The following COL4A1 variants were observed in gnomAD, a reference collection of about 807,000 sequenced individuals.
COL4A1 encodes collagen type IV alpha 1 chain, also known as collagen alpha-1(IV) chain.
Under a neutral mutation model 216.6 loss-of-function variants are expected in COL4A1, and 40 were observed. The observed-to-expected ratio is 0.18, with a 90% CI of 0.14 to 0.24. The LOEUF is 0.24. COL4A1 is among the 10% of genes least tolerant of loss of function. The pLI is 1.00. For synonymous variants in COL4A1, 839 were observed against 810.7 expected, an observed-to-expected ratio of 1.03 and a Z score of -0.59; for missense variants, 1,628 against 2,196.8, an observed-to-expected ratio of 0.74 and a Z score of 5.18.
intron 1 of COL4A1, among the ~76,000 whole-genome samples, chr13:110,246,210 T>A (rs1198577423): frequency 6.6e-6 from 1 of 152,124 alleles, no homozygotes; most frequent in African/African-American, 2.4e-5. Flanking sequence ...TCCTAAGATG[T>A]ATGTTTACTT....
At chr13:110,276,764 G>A (rs771778139) in intron 1 of COL4A1, among the ~76,000 whole-genome samples, 5 of 152,138 alleles carry the variant, frequency 3.3e-5, no homozygotes, top group Admixed American at 2.0e-4. Flanking sequence ...CGACTGCTAC[G>A]TAATCCATAC....
At chr13:110,160,381 T>C (rs1217889663) in intron 49 of COL4A1, among the ~76,000 whole-genome samples, 1 of 87,520 alleles carries the variant, frequency 1.1e-5, no homozygotes, top group Middle Eastern at 5.3e-3. Context: ...AAGCGGAGCT[T>C]GCAGTGAGCC....
chr13:110,226,148 G>A (rs1880727943), intron 2 of COL4A1, among the ~76,000 whole-genome samples: 1 of 152,170 alleles, frequency 6.6e-6, no homozygotes, highest in South Asian at 2.1e-4. Context: ...GACCCAGGAA[G>A]TATCTCATTC....
At position 110,183,204 on chromosome 13, in the gene COL4A1, G is replaced by A; in HGVS notation, c.1970C>T (p.Pro657Leu). The A allele has an allele frequency of 1.2e-6, 2 of 1,613,890 alleles. No homozygotes were observed. Among genetic ancestry groups the A allele is most frequent in the Non-Finnish European group, 1.7e-6 (2 of 1,179,988 alleles). ...CGTACCTTGGGGACCTGGGAAGCCT[G>A]GGGACCCCGGCAGTCCTTCTGCTCC... Reference protein sequence around the residue: ...PPGAEGLPGSPGFPGPQGDRG... With the variant: ...PPGAEGLPGSLGFPGPQGDRG... The change falls in exon 27 of 52, where the codon CCA (proline) becomes CTA (leucine). Residue 657 changes from proline to leucine, a missense_variant. Around this residue, in one of 8 missense-constraint regions of COL4A1, gnomAD observed 701 missense variants for 892.5 expected, o/e 0.79. Transcript: ENST00000375820.
chr13:110,254,547 A>G (rs562419888), intron 1 of COL4A1, among the ~76,000 whole-genome samples: 2 of 152,304 alleles, frequency 1.3e-5, no homozygotes, highest in South Asian at 2.1e-4. Context: ...TGAAAAGCCT[A>G]AGTGACTAGT....
chr13:110,206,043 A>G lies in COL4A1; in HGVS notation c.859-505T>C, dbSNP rs114895255. Among the ~76,000 whole-genome samples, 287 of 152,330 alleles carry G rather than the reference A, an allele frequency of 1.9e-3. 4 individuals are homozygous for G. The highest frequency in any genetic ancestry group is 6.7e-3 in the African/African-American group (280 of 41,574). ...TGATGAATAATTATGAAACAGTTAC[A>G]ATATAAGAGAACTCCATTTTTAAAG... On this transcript the variant is annotated intron_variant, in intron 15 of 51. Coordinates refer to ENST00000375820, the MANE Select transcript of COL4A1 (RefSeq NM_001845.6).
chr13:110,213,169 G>A (rs371102447), intron 4 of COL4A1, among the ~76,000 whole-genome samples: 7 of 152,002 alleles, frequency 4.6e-5, no homozygotes, highest in South Asian at 2.1e-4. Context: ...CAGGTAGAGC[G>A]TACACTGCTT....
At chr13:110,225,977 GA>G (rs1880722179) in intron 2 of COL4A1, among the ~76,000 whole-genome samples, 1 of 152,214 alleles carries the variant, frequency 6.6e-6, no homozygotes, top group African/African-American at 2.4e-5. Context: ...AAATGGTTCT[GA>G]AAGAAACTGG....
intron 2 of COL4A1, among the ~76,000 whole-genome samples, chr13:110,229,384 G>T (rs1880900272): frequency 6.6e-6 from 1 of 152,134 alleles, no homozygotes; most frequent in Admixed American, 6.5e-5. Context: ...CTCTTAGGAG[G>T]TTTTCAACTT....
chr13:110,150,491 CG>C (rs764180691), intron 51 of COL4A1, 47 bp from the exon 52 acceptor site: 2 of 1,579,266 alleles, frequency 1.3e-6, no homozygotes, highest in South Asian at 2.2e-5. Context: ...TCTCACAGCA[CG>C]TCAGAAACAT....
intron 24 of COL4A1, chr13:110,191,753 C>T (rs1878639191): frequency 6.5e-6 from 4 of 619,882 alleles, no homozygotes; most frequent in Non-Finnish European, 1.1e-5. Context: ...TTGATCTTTT[C>T]ATAGAAACTA....
chr13:110,175,137 G>C, intron 37 of COL4A1, 81 bp downstream of exon 37: 4 of 1,554,036 alleles, frequency 2.6e-6, no homozygotes, highest in Non-Finnish European at 3.5e-6. Context: ...TGAGTGTGCT[G>C]AGATATTTGC....
intron 2 of COL4A1, among the ~76,000 whole-genome samples, chr13:110,217,095 G>C (rs1462427168): frequency 6.6e-6 from 1 of 152,120 alleles, no homozygotes; most frequent in Admixed American, 6.6e-5. Flanking sequence ...CTTTTGTCCA[G>C]ATAAAAGTGC....
At chr13:110,199,543 G>C (rs1338756014) in intron 20 of COL4A1, among the ~76,000 whole-genome samples, 4 of 152,216 alleles carry the variant, frequency 2.6e-5, no homozygotes, top group Non-Finnish European at 5.9e-5. Flanking sequence ...TGAATGAGGG[G>C]CAGCATGTCT....
chr13:110,173,460 C>T (rs1478834544), intron 40 of COL4A1, among the ~76,000 whole-genome samples: 1 of 151,864 alleles, frequency 6.6e-6, no homozygotes, highest in Admixed American at 6.6e-5. Context: ...CAAGTTATGG[C>T]CAAGTTAAAG....
At chr13:110,174,830 C>T in intron 37 of COL4A1, 81 bp from the exon 38 acceptor site, 1 of 1,305,544 alleles carries the variant, frequency 7.7e-7, no homozygotes, top group Non-Finnish European at 1.1e-6. Flanking sequence ...TAATGGTATA[C>T]ATTTTGGTGC....
intron 2 of COL4A1, among the ~76,000 whole-genome samples, chr13:110,237,543 T>A (rs778370506): frequency 6.6e-6 from 1 of 152,176 alleles, no homozygotes; most frequent in Non-Finnish European, 1.5e-5. Context: ...ATTATCCCAC[T>A]CAAACTGTCA....
At position 110,166,819 on chromosome 13, in the gene COL4A1, G is replaced by A. The variant is rs116856179; in HGVS notation, c.3949+339C>T. On this transcript the variant is annotated intron_variant, in intron 44 of 51. Transcript: ENST00000375820. ...TCACCTTTCACGTGTATCTGACTCA[G>A]CAGTAAAAACTGCAGTGCCTGGGGA... 6.8e-3 allele frequency among the ~76,000 whole-genome samples: 1,028 copies of A among 152,236 alleles called. 6 individuals are homozygous for A. Among genetic ancestry groups the A allele is most frequent in the Non-Finnish European group, 0.011 (732 of 68,012 alleles).
At chr13:110,282,809 C>A (rs1016458320) in intron 1 of COL4A1, among the ~76,000 whole-genome samples, 1 of 152,152 alleles carries the variant, frequency 6.6e-6, no homozygotes, top group African/African-American at 2.4e-5. Flanking sequence ...TATTCACAAG[C>A]TTTCTGTCAA....
Sources: gnomAD v4.1 joint callset for allele counts (sites outside exome capture counted in the v4.1 genomes callset) on GRCh38, gnomAD v4.1.1 for gene constraint, gnomAD v4.1.1 regional missense constraint, MANE v1.5 for transcripts, NCBI Gene and HGNC (gene_info 2026-07-23, HGNC 2026-07-21) for gene names.